Variants in TMEM236 observed in about 807,000 individuals in gnomAD.
TMEM236 encodes transmembrane protein 236, also known as family with sequence similarity 23, member A.
In TMEM236, 11 loss-of-function variants were observed where a neutral mutation model predicts 14.7. The ratio of observed to expected loss-of-function variants is 0.75; its 90% CI spans 0.47 to 1.24. The LOEUF (loss-of-function observed/expected upper bound fraction) is 1.24. Ranked by LOEUF, TMEM236 falls within the 50% of genes most tolerant of loss-of-function variation. TMEM236 has a pLI of 0.00. For synonymous variants in TMEM236, 182 were observed against 168.6 expected (o/e 1.08, Z -0.62); for missense variants, 464 against 427.3 (o/e 1.09, Z -0.76).
At chr10:17,762,860 C>T (rs1388585827) in intron 1 of TMEM236, among the ~76,000 whole-genome samples, 4 of 151,328 alleles carry the variant, frequency 2.6e-5, no homozygotes, top group Non-Finnish European at 4.4e-5. Context: ...TGCTAGGTTG[C>T]CCGGCTGGTC....
intron 1 of TMEM236, among the ~76,000 whole-genome samples, chr10:17,767,387 G>A (rs1837484996): frequency 1.3e-5 from 2 of 152,274 alleles, no homozygotes; most frequent in East Asian, 3.9e-4. Flanking sequence ...CTTGAACCTG[G>A]GAGGCAGAGG....
At chr10:17,793,763 G>A (rs1252222898) in intron 3 of TMEM236, among the ~76,000 whole-genome samples, 5 of 152,308 alleles carry the variant, frequency 3.3e-5, no homozygotes, top group African/African-American at 4.8e-5. Context: ...GATTACAGGC[G>A]TGAGCCATCA....
intron 1 of TMEM236, among the ~76,000 whole-genome samples, chr10:17,769,499 A>G (rs1184971464): frequency 6.6e-6 from 1 of 152,240 alleles, no homozygotes; most frequent in Non-Finnish European, 1.5e-5. Flanking sequence ...GGAAGATAAT[A>G]TAGATAAAGA....
chr10:17,788,551 G>A (rs1378455848), intron 3 of TMEM236, among the ~76,000 whole-genome samples: 1 of 132,758 alleles, frequency 7.5e-6, no homozygotes. Context: ...AGGAGTTCAA[G>A]ACCAGCCTGA....
intron 1 of TMEM236, among the ~76,000 whole-genome samples, chr10:17,752,915 C>CGTTT (rs1286291046): frequency 7.7e-4 from 117 of 151,778 alleles, no homozygotes; most frequent in African/African-American, 2.7e-3. Context: ...GTCAAAGATA[C>CGTTT]GTTTGTTTGT....
intron 1 of TMEM236, among the ~76,000 whole-genome samples, chr10:17,767,605 A>G (rs1229910792): frequency 6.6e-6 from 1 of 152,092 alleles, no homozygotes; most frequent in East Asian, 1.9e-4. Context: ...TTGAATTCCT[A>G]CTATGTGTTG....
At chr10:17,756,388 C>T (rs1837284764) in intron 1 of TMEM236, among the ~76,000 whole-genome samples, 4 of 152,088 alleles carry the variant, frequency 2.6e-5, no homozygotes, top group Non-Finnish European at 5.9e-5. Flanking sequence ...CTCTGCCTCC[C>T]AGGTTCACAC....
rs1838045793 is a variant in TMEM236, at chr10:17,798,121, A to G, written c.*1617A>G. The G allele has an allele frequency of 5.2e-6, 1 of 192,420 alleles. No individual in the cohort carries two copies. The highest frequency in any genetic ancestry group is 2.4e-5 in the African/African-American group (1 of 42,096). 11.9% of individuals were successfully genotyped at this position (192,420 alleles called of 1,614,324 possible). On this transcript the variant is annotated 3_prime_UTR_variant, in exon 4 of 4. Transcript: ENST00000377495. The stretch of plus-strand genomic sequence containing the variant: ...CTGTTCATTTGATAGTAATTTTCAG[A>G]TGCTAGAGAGATTTGTGAGAGGCTG...
chr10:17,752,551 T>A lies in TMEM236; in HGVS notation c.256T>A (p.Trp86Arg). The change falls in exon 1 of 4, where the codon TGG becomes AGG. Residue 86 changes from tryptophan (W) to arginine (R), a missense_variant and splice_region_variant. By Grantham distance (101) the Trp-to-Arg change is moderately radical (BLOSUM62 -3). Transcript: ENST00000377495. ...TTATATTTACAGAAAAATTAAAGGATGGTAAGTAAAAGAATTTTCTTTTTT... is the reference window on the plus strand; with the variant it reads ...TTATATTTACAGAAAAATTAAAGGAAGGTAAGTAAAAGAATTTTCTTTTTT... ...KRYIYRKIKG[W>R]RPVLMMCVVL... 1 of 1,613,508 alleles carries A rather than the reference T, an allele frequency of 6.2e-7. No homozygotes were observed. The highest frequency in any genetic ancestry group is 8.5e-7 in the Non-Finnish European group (1 of 1,179,504).
intron 3 of TMEM236, among the ~76,000 whole-genome samples, chr10:17,786,855 C>T (rs1554835737): frequency 6.6e-6 from 1 of 152,212 alleles, no homozygotes; most frequent in East Asian, 1.9e-4. Flanking sequence ...ATAGGTAAAC[C>T]TGACAGTAAA....
intron 1 of TMEM236, among the ~76,000 whole-genome samples, chr10:17,768,385 CTG>C (rs1221585406): frequency 1.3e-5 from 2 of 151,948 alleles, no homozygotes; most frequent in Non-Finnish European, 2.9e-5. Flanking sequence ...GAACCATAAA[CTG>C]TATACAATTT....
chr10:17,772,257 A>G (rs1334303933), intron 2 of TMEM236, among the ~76,000 whole-genome samples: 1 of 152,216 alleles, frequency 6.6e-6, no homozygotes, highest in Non-Finnish European at 1.5e-5. Flanking sequence ...TAGAAATTAC[A>G]TGGTTGTTAG....
chr10:17,776,047 G>A lies in TMEM236; in HGVS notation c.349G>A (p.Gly117Arg), dbSNP rs2131753181. The change falls in exon 3 of 4, where the codon GGG becomes AGG. Residue 117 changes from glycine (G) to arginine (R), a missense_variant. Coordinates refer to ENST00000377495, the MANE Select transcript of TMEM236 (RefSeq NM_001098844.3). ...TAAACAGGTTCAAAAGAGCATTAAT[G>A]GGTCCGCTGATGTCTTACCTGATAT... ...AVTEVQKSIN[G>R]SADVLPDMLP... 5 of 1,613,842 alleles carry A rather than the reference G, an allele frequency of 3.1e-6. No individual in the cohort carries two copies. Among genetic ancestry groups the A allele is most frequent in the Non-Finnish European group, 4.2e-6 (5 of 1,179,820 alleles).
intron 3 of TMEM236, among the ~76,000 whole-genome samples, chr10:17,794,315 C>T (rs1035635108): frequency 3.5e-4 from 54 of 152,168 alleles, no homozygotes; most frequent in African/African-American, 1.2e-3. Flanking sequence ...TGTTTTATCA[C>T]GTCATATGGC....
chr10:17,798,375 CAA>C lies in TMEM236; in HGVS notation c.*1876_*1877del. On this transcript the variant is annotated 3_prime_UTR_variant, in exon 4 of 4. Transcript: ENST00000377495. ...GCAACATGGAGAGATTCTACCTCTA[CAA>C]AAAATACAAAAATTAGCTGGGCATG... The C allele has an allele frequency of 2.8e-6, 1 of 358,426 alleles. No individual in the cohort carries two copies. Among genetic ancestry groups the C allele is most frequent in the Non-Finnish European group, 5.4e-6 (1 of 183,546 alleles). The allele number at this position is 358,426 out of a possible 1,614,324, so 22.2% of individuals were successfully genotyped here.
chr10:17,758,012 G>A (rs1312048004), intron 1 of TMEM236, among the ~76,000 whole-genome samples: 21 of 152,048 alleles, frequency 1.4e-4, no homozygotes, highest in East Asian at 7.7e-4. Flanking sequence ...CAAGTGATCC[G>A]CCCACTTTGG....
Position 17,798,532 on chromosome 10 carries a change from C to A in TMEM236, c.*2028C>A. 1.9e-6 allele frequency: 1 copy of A among 533,890 alleles called. No individual in the cohort carries two copies. Among genetic ancestry groups the A allele is most frequent in the East Asian group, 5.5e-5 (1 of 18,276 alleles). 33.1% of individuals were successfully genotyped at this position (533,890 alleles called of 1,614,324 possible). ...CCAGACTGGGCAACAGAGTGACACC[C>A]ATCTAAAAAAAATAAAAGAGAATTT... is the stretch of plus-strand genomic sequence containing the variant. On this transcript the variant is annotated 3_prime_UTR_variant, in exon 4 of 4. Coordinates refer to ENST00000377495, the MANE Select transcript of TMEM236 (RefSeq NM_001098844.3).
intron 3 of TMEM236, among the ~76,000 whole-genome samples, chr10:17,790,011 G>A (rs1241407822): frequency 1.3e-5 from 2 of 151,982 alleles, no homozygotes; most frequent in African/African-American, 2.4e-5. Flanking sequence ...GCGACAGAGC[G>A]GGACTCCGTC....
At chr10:17,778,530 A>G (rs959650086) in intron 3 of TMEM236, among the ~76,000 whole-genome samples, 2 of 152,208 alleles carry the variant, frequency 1.3e-5, no homozygotes, top group African/African-American at 2.4e-5. Flanking sequence ...TGGTTTCACT[A>G]CAGGTGATAC....
Sources: gnomAD v4.1 joint callset for allele counts (sites outside exome capture counted in the v4.1 genomes callset) on GRCh38, gnomAD v4.1.1 for gene constraint, MANE v1.5 for transcripts, NCBI Gene and HGNC (gene_info 2026-07-23, HGNC 2026-07-21) for gene names.